Variants in ZFR2 observed in about 807,000 individuals in gnomAD.
The protein encoded by ZFR2 is zinc finger RNA binding protein 2.
Under a neutral mutation model 105.7 loss-of-function variants are expected in ZFR2, and 104 were observed. That is an observed-to-expected ratio of 0.98 (90% CI 0.84 to 1.16). ZFR2 has a LOEUF of 1.16. Among genes scored for constraint, ZFR2 ranks in the 50% most tolerant of loss-of-function variants. ZFR2 has a pLI of 0.00. For synonymous variants in ZFR2, 634 were observed against 597.7 expected (o/e 1.06, Z -0.89); for missense variants, 1,425 against 1,355.5 (o/e 1.05, Z -0.80).
intron 7 of ZFR2, among the ~76,000 whole-genome samples, chr19:3,824,102 G>A (rs1032132858): frequency 3.3e-5 from 5 of 152,058 alleles, no homozygotes; most frequent in African/African-American, 1.2e-4. Context: ...TTTCCGACCA[G>A]CCCCAGCAAC....
intron 5 of ZFR2, among the ~76,000 whole-genome samples, chr19:3,830,419 G>C (rs918274026): frequency 6.6e-6 from 1 of 152,200 alleles, no homozygotes; most frequent in Admixed American, 6.5e-5. Flanking sequence ...CTGAGCAACA[G>C]AGCGAGACTT....
At chr19:3,842,179 A>AT (rs940876045) in intron 1 of ZFR2, among the ~76,000 whole-genome samples, 12 of 151,730 alleles carry the variant, frequency 7.9e-5, no homozygotes, top group East Asian at 5.8e-4. Context: ...TGCCTAGCTA[A>AT]TTTTTTTATT....
chr19:3,809,110 G>A, intron 16 of ZFR2, 127 bp from the exon 17 acceptor site: 1 of 658,106 alleles, frequency 1.5e-6, no homozygotes, highest in Non-Finnish European at 2.4e-6. Context: ...ACCACCCACT[G>A]AACTTCCGCC....
chr19:3,813,246 C>T lies in ZFR2; in HGVS notation c.2242+574G>A, dbSNP rs758545221. On this transcript the variant is annotated intron_variant, in intron 14 of 18. Transcript: ENST00000262961. This position sits in a 1 kb window ranked among gnomAD's most constrained non-coding sequence, Gnocchi z 4.4. ...AAGATTCCACAGCTGGCTGAGACTTCGGGAGCACAGACGTGCAGTGTGTTA... is the reference window on the plus strand; with the variant it reads ...AAGATTCCACAGCTGGCTGAGACTTTGGGAGCACAGACGTGCAGTGTGTTA... 3.9e-5 allele frequency among the ~76,000 whole-genome samples: 6 copies of T among 152,354 alleles called. No homozygotes were observed. Among genetic ancestry groups the T allele is most frequent in the South Asian group, 2.1e-4 (1 of 4,828 alleles).
chr19:3,852,508 T>C (rs1435049044), intron 1 of ZFR2: 1 of 718,432 alleles, frequency 1.4e-6, no homozygotes, highest in Non-Finnish European at 2.6e-6. Context: ...CCTCTTAAGC[T>C]TGGGCACAGG....
At position 3,805,569 on chromosome 19, in the gene ZFR2, T is replaced by C. The variant is rs1431214497; in HGVS notation, c.*380A>G. 3 of 175,568 alleles carry C rather than the reference T, an allele frequency of 1.7e-5. No individual in the cohort carries two copies. The highest frequency in any genetic ancestry group is 3.6e-5 in the Non-Finnish European group (3 of 82,880). 10.9% of individuals were successfully genotyped at this position (175,568 alleles called of 1,614,324 possible). The stretch of plus-strand genomic sequence containing the variant: ...TTTCACCATGTTGACCAGGCCGGTC[T>C]CGAACTCCTGACCTCAGGCGATCTG... On this transcript the variant is annotated 3_prime_UTR_variant, in exon 19 of 19. Coordinates refer to ENST00000262961, the MANE Select transcript of ZFR2 (RefSeq NM_015174.2).
intron 15 of ZFR2, 140 bp from the exon 16 acceptor site, chr19:3,810,985 G>A (rs546543075): frequency 6.6e-5 from 64 of 963,816 alleles, no homozygotes; most frequent in Non-Finnish European, 8.8e-5. Context: ...TGGAAACAGA[G>A]TCCACTCCCA....
At chr19:3,833,957 G>GGGGGCAA in intron 2 of ZFR2, among the ~76,000 whole-genome samples, 179 bp from the exon 3 acceptor site, 1 of 152,244 alleles carries the variant, frequency 6.6e-6, no homozygotes, top group East Asian at 1.9e-4. Flanking sequence ...GCAGGGGGCA[G>GGGGGCAA]GGGGCAGGGG....
Position 3,816,675 on chromosome 19 carries a change from T to C in ZFR2, c.2102A>G (p.Gln701Arg). ...CGATGAGCAGGGCCCTGACCTTACC[T>C]GGAGCTGCCGGGGCAGCTGCTGGGC... ...RIAQQLPRQL[Q>R]MVTEDEYEVS... Residue 701 changes from glutamine (Q) to arginine (R), a missense_variant and splice_region_variant, in exon 13 of 19, where the codon CAG (glutamine) becomes CGG (arginine). Physicochemically the swap from Gln to Arg is conservative, Grantham distance 43 (BLOSUM62 1). Transcript: ENST00000262961. 1 of 1,607,264 alleles carries C rather than the reference T, an allele frequency of 6.2e-7. No individual in the cohort carries two copies. The highest frequency in any genetic ancestry group is 8.5e-7 in the Non-Finnish European group (1 of 1,176,238).
rs368393409 is a variant in ZFR2 at position 3,813,927 on chromosome 19, G to A, written c.2135C>T (p.Ser712Phe). ...GATGACAATGTTGGCTTCAGGGTCG[G>A]AGGAGACCTCATACTCATCCTCGGT... Reference protein sequence around the residue: ...MVTEDEYEVSSDPEANIVISS... With the variant: ...MVTEDEYEVSFDPEANIVISS... The change falls in exon 14 of 19, where the codon TCC (serine) becomes TTC (phenylalanine). Residue 712 changes from serine (S) to phenylalanine (F), a missense_variant. Coordinates refer to ENST00000262961, the MANE Select transcript of ZFR2 (RefSeq NM_015174.2). The surrounding 1 kb of genome is among the most constrained non-coding windows in gnomAD (Gnocchi z 4.4). The A allele has an allele frequency of 2.2e-5, 35 of 1,613,960 alleles. No individual in the cohort carries two copies. In the South Asian group the frequency reaches 2.5e-4, roughly 12 times the overall value.
intron 16 of ZFR2, among the ~76,000 whole-genome samples, chr19:3,810,462 C>T (rs1188214638): frequency 6.6e-6 from 1 of 152,242 alleles, no homozygotes; most frequent in Non-Finnish European, 1.5e-5. Flanking sequence ...CTGCCTGGGC[C>T]CCTCTGCCCC....
chr19:3,811,325 G>A lies in ZFR2; in HGVS notation c.2284C>T (p.Pro762Ser), dbSNP rs992741821. 1.2e-5 allele frequency: 19 copies of A among 1,605,718 alleles called. No individual in the cohort carries two copies. The highest frequency in any genetic ancestry group is 1.7e-4 in the Middle Eastern group (1 of 6,012). ...PQADAGDVLSPKKCLESLAAL... is the reference protein window; with the variant it reads ...PQADAGDVLSSKKCLESLAAL... The stretch of plus-strand genomic sequence containing the variant: ...GCCAGGGACTCGAGGCACTTCTTGG[G>A]GCTCAGGACATCACCTGCATCAGCC... The change falls in exon 15 of 19, where the codon CCC becomes TCC. Residue 762 changes from proline (P) to serine (S), a missense_variant. Pro to Ser is a moderately conservative substitution (Grantham distance 74). Coordinates refer to ENST00000262961, the MANE Select transcript of ZFR2 (RefSeq NM_015174.2).
At position 3,831,397 on chromosome 19, in the gene ZFR2, G is replaced by T. The variant is rs1458002626; in HGVS notation, c.758C>A (p.Pro253Gln). The T allele has an allele frequency of 5.1e-6, 8 of 1,556,266 alleles. No homozygotes were observed. In the East Asian group the frequency reaches 1.9e-4, roughly 37 times the overall value. ...GSSPRADSKP[P>Q]LPSKLPRPKA... ...GGGTCTCGGCAGCTTGCTGGGAAGC[G>T]GTGGCTTCGAGTCGGCCCTGGGGCT... Residue 253 changes from proline to glutamine, a missense_variant, in exon 5 of 19, where the codon CCG (proline) becomes CAG (glutamine). Physicochemically the swap from Pro to Gln is moderately conservative, Grantham distance 76 (BLOSUM62 -1). Transcript: ENST00000262961.
chr19:3,843,691 T>C (rs985399689), intron 1 of ZFR2, among the ~76,000 whole-genome samples: 8 of 151,522 alleles, frequency 5.3e-5, no homozygotes, highest in African/African-American at 1.5e-4. Flanking sequence ...AGAAATTAGC[T>C]GGGCGTGGTG....
rs2145168374 is a variant in ZFR2 at position 3,838,239 on chromosome 19, T to C, written c.54-3256A>G. Among the ~76,000 whole-genome samples the C allele has an allele frequency of 6.6e-6, 1 of 152,180 alleles. No homozygotes were observed. The highest frequency in any genetic ancestry group is 2.4e-5 in the African/African-American group (1 of 41,518). ...CGATGAACACCGTGACTACTGACAT[T>C]TGATGAACACTGTGACTATGGACAC... On this transcript the variant is annotated intron_variant, in intron 1 of 18. Coordinates refer to ENST00000262961, the MANE Select transcript of ZFR2 (RefSeq NM_015174.2). This position sits in a 1 kb window ranked among gnomAD's most constrained non-coding sequence, Gnocchi z 4.9.
intron 1 of ZFR2, among the ~76,000 whole-genome samples, chr19:3,856,393 A>G (rs957881212): frequency 3.9e-5 from 6 of 152,094 alleles, no homozygotes; most frequent in Non-Finnish European, 5.9e-5. Context: ...TCGATAGTTA[A>G]TATTTTTTTA....
intron 13 of ZFR2, among the ~76,000 whole-genome samples, chr19:3,815,734 C>A (rs868170757): frequency 1.3e-5 from 2 of 150,994 alleles, no homozygotes; most frequent in East Asian, 3.9e-4. Flanking sequence ...CAGGTACATG[C>A]CGCCATGCTC....
intron 1 of ZFR2, among the ~76,000 whole-genome samples, chr19:3,854,500 C>T (rs993673182): frequency 1.3e-5 from 2 of 152,164 alleles, no homozygotes; most frequent in African/African-American, 4.8e-5. Flanking sequence ...CTGAGACCAG[C>T]GATCATGTGA....
At chr19:3,806,692 C>T (rs190693730) in intron 18 of ZFR2, among the ~76,000 whole-genome samples, 165 of 152,360 alleles carry the variant, frequency 1.1e-3, no homozygotes, top group African/African-American at 3.7e-3. Context: ...TTCCGCCTCA[C>T]TGGAGGGACC....
Sources: allele counts gnomAD v4.1 joint callset (sites outside exome capture counted in the v4.1 genomes callset), GRCh38; gene constraint gnomAD v4.1.1; non-coding constraint Gnocchi (gnomAD v3.1); transcripts MANE v1.5; gene names NCBI Gene and HGNC (gene_info 2026-07-23, HGNC 2026-07-21).